The following TMEFF1 variants were observed in gnomAD, a reference collection of about 807,000 sequenced individuals.
The protein encoded by TMEFF1 is transmembrane protein with EGF like and two follistatin like domains 1, also known as tomoregulin-1.
In TMEFF1, 20 loss-of-function variants were observed where a neutral mutation model predicts 47.5. The observed-to-expected ratio is 0.42, with a 90% CI of 0.30 to 0.61. The LOEUF is 0.61. TMEFF1 is among the 20% of genes least tolerant of loss of function. The pLI is 0.19. For synonymous variants in TMEFF1, 162 were observed against 166.3 expected (o/e 0.97, Z 0.20); for missense variants, 411 against 471.1 (o/e 0.87, Z 1.18).
chr9:100,493,303 C>T (rs1837590645), intron 1 of TMEFF1, among the ~76,000 whole-genome samples: 1 of 152,150 alleles, frequency 6.6e-6, no homozygotes, highest in African/African-American at 2.4e-5. Flanking sequence ...AGTTTATTTC[C>T]TTTTGGCTCT....
intron 5 of TMEFF1, among the ~76,000 whole-genome samples, chr9:100,531,500 G>A (rs1838376643): frequency 6.6e-6 from 1 of 151,992 alleles, no homozygotes; most frequent in Non-Finnish European, 1.5e-5. Context: ...GCTTCAAAGA[G>A]AATAAAATAC....
At chr9:100,569,979 T>C (rs1005318420) in intron 8 of TMEFF1, among the ~76,000 whole-genome samples, 1 of 152,182 alleles carries the variant, frequency 6.6e-6, no homozygotes, top group African/African-American at 2.4e-5. Context: ...ACTATTCTAC[T>C]CTCTACTTCT....
chr9:100,539,227 G>T (rs1011898559), intron 5 of TMEFF1, among the ~76,000 whole-genome samples: 6 of 152,132 alleles, frequency 3.9e-5, no homozygotes, highest in African/African-American at 1.4e-4. Context: ...GATTTTCAAC[G>T]GCCTTGCCTT....
At chr9:100,518,553 T>C in intron 5 of TMEFF1, 1 of 959,766 alleles carries the variant, frequency 1.0e-6, no homozygotes, top group African/African-American at 1.8e-5. Context: ...GGCAAGGAAA[T>C]TGATGCAACA....
chr9:100,489,113 C>A (rs1467315256), intron 1 of TMEFF1, among the ~76,000 whole-genome samples: 6 of 152,146 alleles, frequency 3.9e-5, no homozygotes, highest in African/African-American at 1.4e-4. Context: ...TAGAGACTTT[C>A]TCTGTGGATT....
chr9:100,541,993 A>G (rs1394908145), intron 5 of TMEFF1, among the ~76,000 whole-genome samples: 3 of 152,174 alleles, frequency 2.0e-5, no homozygotes, highest in African/African-American at 7.2e-5. Flanking sequence ...TATCCAGCCA[A>G]CTACCTTTGT....
chr9:100,507,530 TTAA>T (rs1837885007), intron 2 of TMEFF1, among the ~76,000 whole-genome samples: 1 of 152,210 alleles, frequency 6.6e-6, no homozygotes, highest in African/African-American at 2.4e-5. Flanking sequence ...TTTTGACTTT[TTAA>T]TAATAGCCAT....
chr9:100,575,654 C>T (rs1441176371), intron 9 of TMEFF1, among the ~76,000 whole-genome samples: 1 of 152,162 alleles, frequency 6.6e-6, no homozygotes, highest in African/African-American at 2.4e-5. Context: ...ATAAGACTTT[C>T]TTTCCATTAG....
chr9:100,478,447 C>T (rs1421069046), intron 1 of TMEFF1, among the ~76,000 whole-genome samples: 2 of 152,212 alleles, frequency 1.3e-5, no homozygotes, highest in Middle Eastern at 3.4e-3. Context: ...CTCAGTAGTT[C>T]AGACTACAGG....
intron 1 of TMEFF1, among the ~76,000 whole-genome samples, chr9:100,490,050 TG>T (rs1346033276): frequency 6.7e-6 from 1 of 149,424 alleles, no homozygotes; most frequent in East Asian, 2.0e-4. Context: ...ATTGCAGGAG[TG>T]GGGGTGGAGG....
In TMEFF1 at chr9:100,535,830, C is replaced by G. The variant is rs189447973; in HGVS notation, c.561-11914C>G. 1.4e-4 allele frequency among the ~76,000 whole-genome samples: 21 copies of G among 152,254 alleles called. No individual in the cohort carries two copies. In the East Asian group the frequency reaches 3.3e-3, roughly 24 times the overall value. ...AATCTGTTAACTTTACCAGATTGCT[C>G]TTTGAAATTAATTTTCTCTTCTCCT... On this transcript the variant is annotated intron_variant, in intron 5 of 9. Coordinates refer to ENST00000374879, the MANE Select transcript of TMEFF1 (RefSeq NM_003692.5).
intron 8 of TMEFF1, among the ~76,000 whole-genome samples, chr9:100,562,063 G>A (rs1002158744): frequency 1.3e-5 from 2 of 152,092 alleles, no homozygotes; most frequent in African/African-American, 2.4e-5. Flanking sequence ...CAGACTTTCC[G>A]ATACCCTACC....
intron 1 of TMEFF1, among the ~76,000 whole-genome samples, chr9:100,489,319 T>C (rs1837508202): frequency 6.6e-6 from 1 of 152,156 alleles, no homozygotes; most frequent in African/African-American, 2.4e-5. Context: ...TTCTCCTATG[T>C]CAGTCCCCCA....
At chr9:100,483,366 G>T (rs756904003) in intron 1 of TMEFF1, among the ~76,000 whole-genome samples, 4 of 151,994 alleles carry the variant, frequency 2.6e-5, no homozygotes, top group Non-Finnish European at 5.9e-5. Flanking sequence ...GCATGGTGGC[G>T]CATGCCTGTA....
At chr9:100,534,943 A>G (rs1361841925) in intron 5 of TMEFF1, among the ~76,000 whole-genome samples, 1 of 151,982 alleles carries the variant, frequency 6.6e-6, no homozygotes, top group Non-Finnish European at 1.5e-5. Flanking sequence ...GGTGGGCAAA[A>G]TTTTTTTGTA....
At chr9:100,526,093 C>G (rs1838248781) in intron 5 of TMEFF1, among the ~76,000 whole-genome samples, 1 of 152,192 alleles carries the variant, frequency 6.6e-6, no homozygotes, top group Non-Finnish European at 1.5e-5. Context: ...TTATTCAGAA[C>G]TTTGCAAGTG....
At chr9:100,494,004 GA>G (rs1232772279) in intron 1 of TMEFF1, among the ~76,000 whole-genome samples, 1 of 151,954 alleles carries the variant, frequency 6.6e-6, no homozygotes, top group Admixed American at 6.6e-5. Flanking sequence ...GCAACATGGT[GA>G]ACCCCATCTC....
chr9:100,483,788 GTT>G, intron 1 of TMEFF1, among the ~76,000 whole-genome samples: 2 of 148,688 alleles, frequency 1.3e-5, no homozygotes, highest in Admixed American at 1.3e-4. Context: ...CTGTCTGTCT[GTT>G]TTTTTTTTCC....
At chr9:100,538,133 A>G (rs1271752720) in intron 5 of TMEFF1, among the ~76,000 whole-genome samples, 1 of 151,840 alleles carries the variant, frequency 6.6e-6, no homozygotes, top group Non-Finnish European at 1.5e-5. Flanking sequence ...GTTCACTGCA[A>G]CCTCCGCCTC....
Sources: gnomAD v4.1 joint callset for allele counts (sites outside exome capture counted in the v4.1 genomes callset) on GRCh38, gnomAD v4.1.1 for gene constraint, MANE v1.5 for transcripts, NCBI Gene and HGNC (gene_info 2026-07-23, HGNC 2026-07-21) for gene names.